Variants in TIAM1 observed in about 807,000 individuals in gnomAD.
The protein encoded by TIAM1 is rho guanine nucleotide exchange factor TIAM1.
In TIAM1, 65 loss-of-function variants were observed where a neutral mutation model predicts 163.5. The ratio of observed to expected loss-of-function variants is 0.40; its 90% CI spans 0.33 to 0.49. The LOEUF (loss-of-function observed/expected upper bound fraction) is 0.49. TIAM1 is among the 20% of genes least tolerant of loss of function. The pLI, the probability that TIAM1 is intolerant of heterozygous loss-of-function variation, is 0.77. For synonymous variants in TIAM1, 833 were observed against 810.1 expected (o/e 1.03, Z -0.48); for missense variants, 1,789 against 2,044.7 (o/e 0.87, Z 2.41).
chr21:31,522,372 T>A (rs968994204), intron 1 of TIAM1, among the ~76,000 whole-genome samples: 1 of 151,138 alleles, frequency 6.6e-6, no homozygotes, highest in Non-Finnish European at 1.5e-5. Flanking sequence ...CAGCCAGGCA[T>A]GGTGGCGCAT....
At chr21:31,205,914 G>A (rs2086430444) in intron 11 of TIAM1, among the ~76,000 whole-genome samples, 2 of 152,156 alleles carry the variant, frequency 1.3e-5, no homozygotes, top group African/African-American at 4.8e-5. Flanking sequence ...GCTGCAGTGA[G>A]CTATGACTAC....
intron 1 of TIAM1, among the ~76,000 whole-genome samples, chr21:31,468,263 G>A (rs1337388094): frequency 6.6e-6 from 1 of 151,840 alleles, no homozygotes; most frequent in Non-Finnish European, 1.5e-5. Flanking sequence ...ATCACTGGAG[G>A]TGAGGAGTTC....
intron 2 of TIAM1, among the ~76,000 whole-genome samples, chr21:31,314,388 C>G (rs184975342): frequency 1.3e-5 from 2 of 152,150 alleles, no homozygotes; most frequent in East Asian, 3.8e-4. Flanking sequence ...AGTAAGCCCA[C>G]TAAACTCTTT....
intron 11 of TIAM1, among the ~76,000 whole-genome samples, chr21:31,203,252 A>G (rs1015057401): frequency 3.3e-5 from 5 of 152,040 alleles, no homozygotes; most frequent in East Asian, 1.9e-4. Context: ...CTTCCTGAGT[A>G]GCTGGGATTA....
intron 2 of TIAM1, among the ~76,000 whole-genome samples, chr21:31,423,185 G>A (rs1026062626): frequency 3.8e-5 from 5 of 130,038 alleles, no homozygotes; most frequent in African/African-American, 1.5e-4. Context: ...TGCAAGCTCC[G>A]CCTCCCGGGT....
chr21:31,357,368 GA>G (rs2076332723), intron 2 of TIAM1, among the ~76,000 whole-genome samples: 1 of 152,130 alleles, frequency 6.6e-6, no homozygotes, highest in Non-Finnish European at 1.5e-5. Flanking sequence ...TGAGAAAAAT[GA>G]AGCAATCAGA....
chr21:31,350,212 G>A (rs943501087), intron 2 of TIAM1, among the ~76,000 whole-genome samples: 2 of 152,174 alleles, frequency 1.3e-5, no homozygotes, highest in East Asian at 1.9e-4. Context: ...CCACCCTTGT[G>A]AGGGTGGACG....
At chr21:31,294,488 T>C (rs2268225) in intron 2 of TIAM1, among the ~76,000 whole-genome samples, 35,330 of 152,096 alleles carry the variant, frequency 0.23, 4,202 homozygotes, top group East Asian at 0.38. Flanking sequence ...AAGCAATTGG[T>C]ATTCCATTTT....
intron 9 of TIAM1, among the ~76,000 whole-genome samples, chr21:31,213,866 C>CAAAA (rs35524539): frequency 5.5e-5 from 3 of 54,842 alleles, no homozygotes; most frequent in African/African-American, 6.2e-5. Context: ...CTCATCTCTA[C>CAAAA]AAAAAAAAAA....
chr21:31,126,978 C>T (rs2082223930), intron 26 of TIAM1, 87 bp downstream of exon 26: 1 of 1,338,600 alleles, frequency 7.5e-7, no homozygotes, highest in Non-Finnish European at 1.1e-6. Flanking sequence ...AACAACGTAC[C>T]AAACACCAGA....
Position 31,251,940 on chromosome 21 carries a change from C to T in TIAM1, c.1213G>A (p.Gly405Ser), listed in dbSNP as rs1411310697. 2.5e-6 allele frequency: 4 copies of T among 1,613,902 alleles called. No individual in the cohort carries two copies. The highest frequency in any genetic ancestry group is 3.4e-6 in the Non-Finnish European group (4 of 1,179,912). Residue 405 changes from glycine to serine, a missense_variant, in exon 5 of 28, where the codon GGC becomes AGC. Gly to Ser is a moderately conservative substitution (Grantham distance 56, BLOSUM62 0). This residue lies in a region of TIAM1 where 555 missense variants were observed against 564.9 expected (regional missense o/e 0.98). Transcript: ENST00000541036. ...CTCTGCTCATCGCTGTGCGCCGAGC[C>T]GGCCTCCTCCAGGCTCTCGCTGTTG... ...TTNSESLEEA[G>S]SAHSDEQSSG... is the part of the protein sequence containing the mutation.
chr21:31,178,353 C>A (rs2084864610), intron 15 of TIAM1, among the ~76,000 whole-genome samples: 2 of 124,590 alleles, frequency 1.6e-5, no homozygotes, highest in Non-Finnish European at 3.2e-5. Context: ...ATCGCCCAGG[C>A]TGGAGTGCAG....
chr21:31,273,358 C>T (rs565500098), intron 3 of TIAM1, among the ~76,000 whole-genome samples: 19 of 152,166 alleles, frequency 1.2e-4, no homozygotes, highest in South Asian at 4.1e-4. Context: ...GTGTATAAAT[C>T]TGCACAAGTG....
intron 1 of TIAM1, among the ~76,000 whole-genome samples, chr21:31,534,180 C>T (rs1418046364): frequency 6.6e-6 from 1 of 152,232 alleles, no homozygotes; most frequent in Non-Finnish European, 1.5e-5. Flanking sequence ...TAGGCGCTGA[C>T]ACTAAGCATA....
In TIAM1 at chr21:31,423,859, GGGGC is replaced by G. The variant is rs869215898; in HGVS notation, c.-369+40120_-369+40123del. Among the ~76,000 whole-genome samples, 555 of 108,274 alleles carry G rather than the reference GGGGC, an allele frequency of 5.1e-3. 6 individuals are homozygous for G. The highest frequency in any genetic ancestry group is 0.022 in the East Asian group (72 of 3,240). The allele number at this position is 108,274 out of a possible 152,430, so 71.0% of individuals were successfully genotyped here. A position where few individuals can be genotyped will look rare whatever the true frequency, so the allele number is the denominator to read the frequency against. On this transcript the variant is annotated intron_variant, in intron 2 of 28. Coordinates refer to the TIAM1 transcript ENST00000286827. ...GAAAGTAAATTAATGATTATCGGGG[GGGGC>G]GGGGGGGGGGTCAAGGGAGTTGGGG...
At chr21:31,394,384 T>G (rs1252640828) in intron 2 of TIAM1, among the ~76,000 whole-genome samples, 2 of 152,032 alleles carry the variant, frequency 1.3e-5, no homozygotes, top group East Asian at 3.9e-4. Flanking sequence ...ACAAAAGATT[T>G]TTAGGGCAGT....
intron 6 of TIAM1, among the ~76,000 whole-genome samples, chr21:31,240,063 C>T (rs2071085657): frequency 6.6e-6 from 1 of 152,142 alleles, no homozygotes; most frequent in East Asian, 1.9e-4. Context: ...ATCCTTAACA[C>T]CTGGGAACAA....
intron 2 of TIAM1, among the ~76,000 whole-genome samples, chr21:31,418,817 GA>G (rs1254135312): frequency 6.6e-6 from 1 of 152,212 alleles, no homozygotes; most frequent in East Asian, 1.9e-4. Context: ...CAGCTTCAGA[GA>G]GAGGCCTTTT....
At chr21:31,466,880 C>A (rs2045552977) in intron 1 of TIAM1, among the ~76,000 whole-genome samples, 1 of 151,596 alleles carries the variant, frequency 6.6e-6, no homozygotes, top group African/African-American at 2.4e-5. Context: ...ATACAATTCC[C>A]TGTGATATTG....
Sources: allele counts gnomAD v4.1 joint callset (sites outside exome capture counted in the v4.1 genomes callset), GRCh38; gene constraint gnomAD v4.1.1; regional missense constraint gnomAD v4.1.1; transcripts MANE v1.5; gene names NCBI Gene and HGNC (gene_info 2026-07-23, HGNC 2026-07-21).